Variants in CLIP1 observed in about 807,000 individuals in gnomAD.
CLIP1 encodes the protein CAP-Gly domain-containing linker protein 1.
In CLIP1, 66 loss-of-function variants were observed where a neutral mutation model predicts 161.6. The observed-to-expected ratio is 0.41, with a 90% CI of 0.33 to 0.50. The LOEUF (loss-of-function observed/expected upper bound fraction) is 0.50. Ranked by LOEUF, CLIP1 falls within the 20% of genes least tolerant of loss-of-function variation. CLIP1 has a pLI of 0.27. For synonymous variants in CLIP1, 598 were observed against 626.2 expected (o/e 0.96, Z 0.67); for missense variants, 1,376 against 1,702.0 (o/e 0.81, Z 3.37).
chr12:122,326,979 G>A (rs921713960), intron 17 of CLIP1, among the ~76,000 whole-genome samples: 1 of 152,108 alleles, frequency 6.6e-6, no homozygotes, highest in Non-Finnish European at 1.5e-5. Flanking sequence ...GTTAGCAAGA[G>A]GCTTTTCATG....
At chr12:122,364,641 GTGAT>G (rs959615503) in intron 3 of CLIP1, 5 of 405,112 alleles carry the variant, frequency 1.2e-5, no homozygotes, top group African/African-American at 1.0e-4. Flanking sequence ...CTGGGCTCAA[GTGAT>G]CTGCCCACCT....
At chr12:122,350,820 A>T (rs1054729884) in intron 9 of CLIP1, among the ~76,000 whole-genome samples, 1 of 151,876 alleles carries the variant, frequency 6.6e-6, no homozygotes, top group African/African-American at 2.4e-5. Flanking sequence ...TAGGTGAAGA[A>T]GGCCAGGTCT....
rs74854777 is a variant in CLIP1, at chr12:122,286,112, A to G, written c.3647+2377T>C. On this transcript the variant is annotated intron_variant, in intron 21 of 25. Transcript: ENST00000620786. ...TCACTGTTGTGATACGCACCTATTT[A>G]GTATTCTGCAGCAACTGCTGGATAG... Among the ~76,000 whole-genome samples the G allele has an allele frequency of 5.8e-3, 888 of 152,288 alleles. 21 individuals are homozygous for G. Among genetic ancestry groups the G allele is most frequent in the East Asian group, 0.015 (77 of 5,186 alleles).
At chr12:122,316,877 A>T in intron 18 of CLIP1, 22 bp from the exon 19 acceptor site, 1 of 1,350,378 alleles carries the variant, frequency 7.4e-7, no homozygotes, top group Non-Finnish European at 1.0e-6. Flanking sequence ...AGAGAAAAAA[A>T]CTTGATGAAA....
At chr12:122,284,165 A>G (rs1955756828) in intron 21 of CLIP1, among the ~76,000 whole-genome samples, 1 of 152,152 alleles carries the variant, frequency 6.6e-6, no homozygotes, top group Admixed American at 6.5e-5. Flanking sequence ...TAACAAACAA[A>G]CAAAAAACAC....
intron 21 of CLIP1, among the ~76,000 whole-genome samples, chr12:122,281,249 T>C (rs543155256): frequency 1.1e-3 from 162 of 152,302 alleles, no homozygotes; most frequent in African/African-American, 3.6e-3. Context: ...TGGGCATCAG[T>C]GCGGGTAAAT....
At chr12:122,386,630 G>T (rs375130934) in intron 1 of CLIP1, among the ~76,000 whole-genome samples, 2 of 152,020 alleles carry the variant, frequency 1.3e-5, no homozygotes, top group African/African-American at 2.4e-5. Flanking sequence ...ATAAATACAC[G>T]GTTATTTTTT....
At chr12:122,392,790 T>G (rs1213330334) in intron 1 of CLIP1, among the ~76,000 whole-genome samples, 3 of 150,002 alleles carry the variant, frequency 2.0e-5, no homozygotes, top group Non-Finnish European at 4.4e-5. Flanking sequence ...TGTTTTTTGG[T>G]TTTTTTTTGA....
chr12:122,368,037 C>T (rs1954254416), intron 3 of CLIP1, among the ~76,000 whole-genome samples: 1 of 152,084 alleles, frequency 6.6e-6, no homozygotes, highest in African/African-American at 2.4e-5. Context: ...AAGCCCAATT[C>T]GTTCTCTTTA....
intron 17 of CLIP1, chr12:122,324,380 G>A (rs1258922265): frequency 3.3e-5 from 5 of 152,316 alleles, no homozygotes; most frequent in East Asian, 1.9e-4. Flanking sequence ...ATAAGTTAGC[G>A]ACTACAGAAA....
chr12:122,336,621 C>T lies in CLIP1; in HGVS notation c.2568+11G>A. On this transcript the variant is annotated intron_variant, in intron 12 of 25. Transcript: ENST00000620786. ...GAAACCCTGAGATTCAGATTCCCAA[C>T]AGGTACTTACCAAAATCTGAAGTTC... 2 of 1,380,482 alleles carry T rather than the reference C, an allele frequency of 1.4e-6. No individual in the cohort carries two copies. The highest frequency in any genetic ancestry group is 2.1e-6 in the Non-Finnish European group (2 of 971,390). 85.5% of individuals were successfully genotyped at this position (1,380,482 alleles called of 1,614,324 possible).
At chr12:122,405,037 G>A (rs1956279891) in intron 1 of CLIP1, among the ~76,000 whole-genome samples, 1 of 152,052 alleles carries the variant, frequency 6.6e-6, no homozygotes, top group Non-Finnish European at 1.5e-5. Flanking sequence ...CTAGAGTCAG[G>A]TGTCAGAATA....
chr12:122,276,024 T>C (rs1374082537), intron 24 of CLIP1, among the ~76,000 whole-genome samples: 1 of 152,122 alleles, frequency 6.6e-6, no homozygotes, highest in African/African-American at 2.4e-5. Context: ...CATTTTGACT[T>C]AAAAACAAAA....
intron 3 of CLIP1, among the ~76,000 whole-genome samples, chr12:122,371,440 T>C (rs981611341): frequency 6.6e-6 from 1 of 152,144 alleles, no homozygotes; most frequent in African/African-American, 2.4e-5. Context: ...CTGAGCACCA[T>C]AGAAAACGCT....
intron 1 of CLIP1, among the ~76,000 whole-genome samples, chr12:122,398,406 C>G (rs1050476181): frequency 7.0e-6 from 1 of 143,570 alleles, no homozygotes; most frequent in Non-Finnish European, 1.5e-5. Context: ...GCCTGGGCGA[C>G]AGAATGAGAC....
intron 18 of CLIP1, 100 bp downstream of exon 18, chr12:122,319,132 C>T: frequency 1.3e-6 from 1 of 793,340 alleles, no homozygotes; most frequent in Non-Finnish European, 2.2e-6. Flanking sequence ...TGTGTAAAGT[C>T]ACACACTTCA....
intron 3 of CLIP1, among the ~76,000 whole-genome samples, chr12:122,366,607 A>G (rs1458766321): frequency 1.3e-5 from 2 of 152,174 alleles, no homozygotes; most frequent in Non-Finnish European, 2.9e-5. Context: ...TTGGGAGGCC[A>G]AGGCAGGCGG....
chr12:122,273,374 C>A (rs1278871623), intron 25 of CLIP1, among the ~76,000 whole-genome samples: 1 of 152,126 alleles, frequency 6.6e-6, no homozygotes, highest in African/African-American at 2.4e-5. Flanking sequence ...CTCAGCCTCC[C>A]AAGTAGCTGG....
intron 1 of CLIP1, among the ~76,000 whole-genome samples, chr12:122,393,619 G>A (rs1357777094): frequency 6.6e-6 from 1 of 152,116 alleles, no homozygotes; most frequent in African/African-American, 2.4e-5. Flanking sequence ...TGTTTTAAGA[G>A]TCTAGATCTT....
Sources: allele counts gnomAD v4.1 joint callset (sites outside exome capture counted in the v4.1 genomes callset), GRCh38; gene constraint gnomAD v4.1.1; transcripts MANE v1.5; gene names NCBI Gene and HGNC (gene_info 2026-07-23, HGNC 2026-07-21).